The following CAPN15 variants were observed in gnomAD, a reference collection of about 807,000 sequenced individuals.
The protein encoded by CAPN15 is calpain-15.
A neutral mutation model predicts 97.9 loss-of-function variants in CAPN15; 53 were observed. The observed-to-expected ratio is 0.54, with a 90% confidence interval of 0.43 to 0.68. CAPN15 has a LOEUF of 0.68. CAPN15 is among the 30% of genes least tolerant of loss of function. CAPN15 has a pLI of 0.00. For missense variants in CAPN15, 1,592 were observed against 1,589.8 expected (o/e 1.00, Z -0.02); for synonymous variants, 922 against 722.5 (o/e 1.28, Z -4.43).
rs1296775788 is a variant in CAPN15, at chr16:551,565, CCGA to C, written c.2250_2252del (p.Asp750del). On this transcript the variant is annotated inframe_deletion, in exon 9 of 14. Coordinates refer to ENST00000219611, the MANE Select transcript of CAPN15 (RefSeq NM_005632.3). ...CGTTTCTCCTGGAACGGCAGCTGGT[CCGA>C]CGAGTGGCCACACTGGCCGGGGCAC... is the stretch of plus-strand genomic sequence containing the variant. 1 of 1,611,636 alleles carries C rather than the reference CCGA, an allele frequency of 6.2e-7. No homozygotes were observed. Among genetic ancestry groups the C allele is most frequent in the Non-Finnish European group, 8.5e-7 (1 of 1,179,566 alleles).
Position 549,413 on chromosome 16 carries a change from C to T in CAPN15, c.1784C>T (p.Thr595Met), listed in dbSNP as rs199612217. Residue 595 changes from threonine to methionine, a missense_variant, in exon 6 of 14, where the codon ACG becomes ATG. By Grantham distance (81) the Thr-to-Met change is moderately conservative (BLOSUM62 -1). Coordinates refer to ENST00000219611, the MANE Select transcript of CAPN15 (RefSeq NM_005632.3). Reference sequence around the variant, plus strand: ...CTGTGCAAGGACGGCACGTGGACCACGGTGCTGGTGGACGACATGCTGCCC... The same window carrying T: ...CTGTGCAAGGACGGCACGTGGACCATGGTGCTGGTGGACGACATGCTGCCC... Reference protein sequence around the residue: ...VRLCKDGTWTTVLVDDMLPCD... With the variant: ...VRLCKDGTWTMVLVDDMLPCD... 6.3e-5 allele frequency: 100 copies of T among 1,599,552 alleles called. No individual in the cohort carries two copies. The highest frequency in any genetic ancestry group is 1.0e-4 in the Admixed American group (6 of 59,752).
chr16:546,216 G>A (rs575846532), intron 3 of CAPN15, among the ~76,000 whole-genome samples: 1 of 152,366 alleles, frequency 6.6e-6, no homozygotes, highest in Non-Finnish European at 1.5e-5. Context: ...TTGTTTTTGT[G>A]CTTCTTATGA....
chr16:536,618 G>A (rs1450810080), intron 3 of CAPN15, among the ~76,000 whole-genome samples: 6 of 152,140 alleles, frequency 3.9e-5, no homozygotes, highest in Non-Finnish European at 8.8e-5. Context: ...TAGAAACAGG[G>A]TTTCTCCATC....
chr16:546,217 C>T (rs546173455), intron 3 of CAPN15, among the ~76,000 whole-genome samples: 1 of 152,360 alleles, frequency 6.6e-6, no homozygotes, highest in African/African-American at 2.4e-5. Flanking sequence ...TGTTTTTGTG[C>T]TTCTTATGAA....
At chr16:550,159 C>T (rs529452897) in intron 7 of CAPN15, among the ~76,000 whole-genome samples, 3 of 152,290 alleles carry the variant, frequency 2.0e-5, no homozygotes, top group South Asian at 2.1e-4. Flanking sequence ...TCATCCGCCT[C>T]GGGGCAGGCG....
At chr16:542,487 C>G (rs1248527456) in intron 3 of CAPN15, among the ~76,000 whole-genome samples, 1 of 152,150 alleles carries the variant, frequency 6.6e-6, no homozygotes, top group Non-Finnish European at 1.5e-5. Context: ...GGGGTGGGAG[C>G]TGGTGTCCCC....
intron 1 of CAPN15, among the ~76,000 whole-genome samples, chr16:530,258 A>C (rs1326944316): frequency 6.6e-6 from 1 of 152,126 alleles, no homozygotes; most frequent in Non-Finnish European, 1.5e-5. Context: ...TCCCTGCTGG[A>C]TGTGGCGCCG....
chr16:538,922 C>T (rs965970022), intron 3 of CAPN15: 20 of 148,492 alleles, frequency 1.3e-4, no homozygotes, highest in African/African-American at 4.7e-4. Flanking sequence ...CCTCCCTGAG[C>T]TCCAAAGGAT....
chr16:540,328 C>T, intron 3 of CAPN15: 2 of 985,568 alleles, frequency 2.0e-6, no homozygotes, highest in Non-Finnish European at 2.4e-6. Context: ...GGGAGGTGCC[C>T]TGGTCAGCCG....
chr16:550,824 GGT>G (rs1396068926), intron 7 of CAPN15, among the ~76,000 whole-genome samples: 4 of 76,304 alleles, frequency 5.2e-5, no homozygotes, highest in Non-Finnish European at 5.6e-5. Flanking sequence ...GGTCGGTGAG[GGT>G]GCCCCGTCGG....
chr16:551,324 G>A lies in CAPN15; in HGVS notation c.2089G>A (p.Gly697Ser). 6.2e-7 allele frequency: 1 copy of A among 1,604,210 alleles called. No homozygotes were observed. The highest frequency in any genetic ancestry group is 8.5e-7 in the Non-Finnish European group (1 of 1,175,242). Residue 697 changes from glycine to serine, a missense_variant, in exon 8 of 14, where the codon GGC (glycine) becomes AGC (serine). By Grantham distance (56) the Gly-to-Ser change is moderately conservative. Coordinates refer to ENST00000219611, the MANE Select transcript of CAPN15 (RefSeq NM_005632.3). ...EAGFLMGASC[G>S]GGNMKVDDSA... ...CAGGTTCCTCATGGGTGCCTCCTGT[G>A]GCGGGGGCAACATGAAGGTGGACGA...
rs371837271 is a variant in CAPN15, at chr16:534,706, T to C, written c.-137+708T>C. Among the ~76,000 whole-genome samples, 6 of 152,256 alleles carry C rather than the reference T, an allele frequency of 3.9e-5. No homozygotes were observed. In the East Asian group the frequency reaches 7.7e-4, roughly 20 times the overall value. On this transcript the variant is annotated intron_variant, in intron 2 of 13. Coordinates refer to ENST00000219611, the MANE Select transcript of CAPN15 (RefSeq NM_005632.3). ...CCTGGACCAGCAGCCTCTGGTCTGG[T>C]GGGTGCAGTTTTAGGGCGCAGTGGG...
At chr16:528,189 C>T (rs1447112434) in intron 1 of CAPN15, among the ~76,000 whole-genome samples, 160 bp downstream of exon 1, 13 of 151,182 alleles carry the variant, frequency 8.6e-5, no homozygotes, top group Admixed American at 4.6e-4. Flanking sequence ...CGGCAGGGCC[C>T]CCGGAGTGGG....
chr16:553,292 CAT>C, intron 13 of CAPN15, 45 bp from the exon 14 acceptor site: 1 of 1,411,934 alleles, frequency 7.1e-7, no homozygotes, highest in Non-Finnish European at 9.9e-7. Context: ...GCCCTGCCCC[CAT>C]CCCCACCCTG....
intron 7 of CAPN15, among the ~76,000 whole-genome samples, chr16:550,655 G>T (rs1286906465): frequency 6.6e-6 from 1 of 151,626 alleles, no homozygotes. Flanking sequence ...TTCCCTGTCG[G>T]TGAGGGTCCC....
chr16:540,153 A>T (rs2034013903), intron 3 of CAPN15: 1 of 985,338 alleles, frequency 1.0e-6, no homozygotes, highest in South Asian at 4.7e-5. Context: ...AGAGGTGACC[A>T]GGTCCGGCTC....
intron 1 of CAPN15, among the ~76,000 whole-genome samples, chr16:530,323 C>T (rs1019623522): frequency 6.6e-6 from 1 of 152,192 alleles, no homozygotes; most frequent in Admixed American, 6.5e-5. Flanking sequence ...GCTATGCAGC[C>T]GTGCGCAGAG....
At chr16:542,518 C>G (rs2034191471) in intron 3 of CAPN15, among the ~76,000 whole-genome samples, 1 of 152,144 alleles carries the variant, frequency 6.6e-6, no homozygotes, top group Admixed American at 6.6e-5. Context: ...TCTGCGTTTC[C>G]CTGGTGGCCA....
rs1362171192 is a variant in CAPN15, at chr16:552,130, G to A, written c.2425G>A (p.Ala809Thr). The A allele has an allele frequency of 3.2e-6, 5 of 1,548,110 alleles. No homozygotes were observed. The highest frequency in any genetic ancestry group is 3.5e-6 in the Non-Finnish European group (4 of 1,146,448). Residue 809 changes from alanine to threonine, a missense_variant, in exon 10 of 14, where the codon GCC (alanine) becomes ACC (threonine). By Grantham distance (58) the Ala-to-Thr change is moderately conservative. Coordinates refer to ENST00000219611, the MANE Select transcript of CAPN15 (RefSeq NM_005632.3). The surrounding 1 kb of genome is among the most constrained non-coding windows in gnomAD (Gnocchi z 6.4). Reference protein sequence around the residue: ...ARVQGCFPSSASAPVGVTALT... With the variant: ...ARVQGCFPSSTSAPVGVTALT... ...GGTGCAGGGCTGCTTTCCCAGCTCG[G>A]CCAGCGCGCCCGTGGGGGTAACAGC...
Sources: gnomAD v4.1 joint callset for allele counts (sites outside exome capture counted in the v4.1 genomes callset) on GRCh38, gnomAD v4.1.1 for gene constraint, Gnocchi (gnomAD v3.1) non-coding constraint, MANE v1.5 for transcripts, NCBI Gene and HGNC (gene_info 2026-07-23, HGNC 2026-07-21) for gene names.